Variants in FSTL5 observed in about 807,000 individuals in gnomAD.
FSTL5 encodes follistatin-related protein 5.
In FSTL5, 62 loss-of-function variants were observed where a neutral mutation model predicts 89.1. The observed-to-expected ratio is 0.70, with a 90% CI of 0.57 to 0.86. FSTL5 has a LOEUF of 0.86. Among genes scored for constraint, FSTL5 ranks in the 40% least tolerant of loss-of-function variants. The probability of loss-of-function intolerance (pLI) is 0.00; values close to 1 mark genes in which losing one functional copy is unlikely to be tolerated. For synonymous variants in FSTL5, 383 were observed against 346.2 expected, an observed-to-expected ratio of 1.11 and a Z score of -1.18; for missense variants, 1,057 against 1,001.6, an observed-to-expected ratio of 1.06 and a Z score of -0.75.
intron 3 of FSTL5, among the ~76,000 whole-genome samples, chr4:161,977,778 C>G (rs547702879): frequency 6.6e-6 from 1 of 151,682 alleles, no homozygotes; most frequent in South Asian, 2.1e-4. Context: ...TATAAGTGAA[C>G]CCACTATCCC....
At chr4:161,669,155 T>G (rs948299085) in intron 6 of FSTL5, among the ~76,000 whole-genome samples, 5 of 134,720 alleles carry the variant, frequency 3.7e-5, no homozygotes, top group South Asian at 4.9e-4. Flanking sequence ...AAAAGAAAAA[T>G]AAATAAATAA....
chr4:161,692,439 T>C (rs1737975465), intron 6 of FSTL5, among the ~76,000 whole-genome samples: 2 of 151,994 alleles, frequency 1.3e-5, no homozygotes, highest in Non-Finnish European at 2.9e-5. Flanking sequence ...CTTTTATGGG[T>C]TAAATTATCT....
chr4:161,725,453 T>C (rs1739364301), intron 6 of FSTL5, among the ~76,000 whole-genome samples: 1 of 151,856 alleles, frequency 6.6e-6, no homozygotes, highest in Non-Finnish European at 1.5e-5. Flanking sequence ...AAATATAGAA[T>C]TTAAAACATT....
chr4:161,444,626 A>T (rs1560898255), intron 15 of FSTL5, among the ~76,000 whole-genome samples: 1 of 151,942 alleles, frequency 6.6e-6, no homozygotes, highest in Non-Finnish European at 1.5e-5. Flanking sequence ...GAGGAAAAAC[A>T]AAGTTTTCTG....
chr4:162,002,168 C>T (rs1050607353), intron 3 of FSTL5, among the ~76,000 whole-genome samples: 4 of 152,086 alleles, frequency 2.6e-5, no homozygotes, highest in Non-Finnish European at 4.4e-5. Flanking sequence ...TCATATACAA[C>T]CTTTGTAACT....
chr4:161,640,701 T>C (rs897613218), intron 7 of FSTL5, among the ~76,000 whole-genome samples: 2 of 152,134 alleles, frequency 1.3e-5, no homozygotes, highest in African/African-American at 4.8e-5. Flanking sequence ...AACACATGCA[T>C]TGTGGGATCT....
At chr4:161,668,013 AG>A (rs1736961173) in intron 6 of FSTL5, among the ~76,000 whole-genome samples, 3 of 152,130 alleles carry the variant, frequency 2.0e-5, no homozygotes, top group African/African-American at 7.2e-5. Flanking sequence ...GCAGGGTAAA[AG>A]AAAGAATGAA....
At chr4:162,060,974 G>A (rs528374082) in intron 2 of FSTL5, among the ~76,000 whole-genome samples, 36 of 152,106 alleles carry the variant, frequency 2.4e-4, no homozygotes, top group Admixed American at 7.9e-4. Flanking sequence ...CAAAACATTT[G>A]ACGCTGCATT....
chr4:161,911,400 T>C (rs1173850866), intron 4 of FSTL5, among the ~76,000 whole-genome samples: 2 of 152,114 alleles, frequency 1.3e-5, no homozygotes, highest in Non-Finnish European at 2.9e-5. Flanking sequence ...GTCTAGAGAG[T>C]AAATCTATTT....
intron 3 of FSTL5, among the ~76,000 whole-genome samples, chr4:161,954,412 T>C (rs1359947387): frequency 6.6e-6 from 1 of 151,622 alleles, no homozygotes; most frequent in East Asian, 1.9e-4. Context: ...TTGCTATATA[T>C]AATTAGCACA....
intron 4 of FSTL5, among the ~76,000 whole-genome samples, chr4:161,900,128 C>A (rs1292018884): frequency 6.6e-6 from 1 of 151,662 alleles, no homozygotes. Context: ...TGGGAGGCAG[C>A]AGTTGCAGTG....
intron 2 of FSTL5, among the ~76,000 whole-genome samples, chr4:162,066,943 T>C (rs1738939840): frequency 1.3e-5 from 2 of 152,122 alleles, no homozygotes; most frequent in East Asian, 1.9e-4. Context: ...TTTGGTTATA[T>C]ACCCAGTAAT....
At chr4:161,501,532 A>G (rs1176819520) in intron 11 of FSTL5, among the ~76,000 whole-genome samples, 1 of 152,046 alleles carries the variant, frequency 6.6e-6, no homozygotes, top group South Asian at 2.1e-4. Flanking sequence ...GAAATTATTT[A>G]TAATAATACA....
rs1736159891 is a variant in FSTL5 at position 161,992,878 on chromosome 4, A to ATATGTGTGTGTGTG, written c.160+40746_160+40747insCACACACACACATA. 1.5e-3 allele frequency among the ~76,000 whole-genome samples: 24 copies of ATATGTGTGTGTGTG among 15,534 alleles called. 1 individual carries two copies. The highest frequency in any genetic ancestry group is 4.6e-3 in the African/African-American group (24 of 5,270). 10.2% of individuals were successfully genotyped at this position (15,534 alleles called of 152,430 possible). A position where few individuals can be genotyped will look rare whatever the true frequency, so the allele number is the denominator to read the frequency against. ...AAAAAAAAAATATATATATATATAT[A>ATATGTGTGTGTGTG]TATATATATATATATATATGTGTGT... On this transcript the variant is annotated intron_variant, in intron 3 of 15. Transcript: ENST00000306100.
intron 6 of FSTL5, among the ~76,000 whole-genome samples, chr4:161,747,420 C>T (rs565982502): frequency 6.6e-6 from 1 of 152,204 alleles, no homozygotes; most frequent in African/African-American, 2.4e-5. Flanking sequence ...ATGCCATATA[C>T]TAAAATGCCT....
intron 2 of FSTL5, among the ~76,000 whole-genome samples, chr4:162,081,544 GT>G (rs979674987): frequency 3.3e-4 from 50 of 151,638 alleles, no homozygotes; most frequent in African/African-American, 1.2e-3. Context: ...ATAGACATAG[GT>G]AAGAAAGAAA....
At chr4:161,483,291 CT>C (rs1163856573) in intron 12 of FSTL5, among the ~76,000 whole-genome samples, 22 of 152,306 alleles carry the variant, frequency 1.4e-4, no homozygotes, top group African/African-American at 4.8e-4. Context: ...AAAGTGGGAA[CT>C]AAGGTTGGTG....
chr4:162,008,938 T>G (rs1425602683), intron 3 of FSTL5, among the ~76,000 whole-genome samples: 1 of 151,964 alleles, frequency 6.6e-6, no homozygotes, highest in Admixed American at 6.6e-5. Flanking sequence ...ATACAGATAC[T>G]TAACTGTGTA....
intron 7 of FSTL5, among the ~76,000 whole-genome samples, chr4:161,650,456 C>G (rs1736298188): frequency 6.6e-6 from 1 of 151,904 alleles, no homozygotes; most frequent in Non-Finnish European, 1.5e-5. Context: ...TCAAATTTAC[C>G]TGGGAGTTCT....
Sources: gnomAD v4.1 joint callset for allele counts (sites outside exome capture counted in the v4.1 genomes callset) on GRCh38, gnomAD v4.1.1 for gene constraint, MANE v1.5 for transcripts, NCBI Gene and HGNC (gene_info 2026-07-23, HGNC 2026-07-21) for gene names.